BTRC: variants seen among roughly 807,000 people sequenced by gnomAD.
BTRC encodes the protein F-box/WD repeat-containing protein 1A.
BTRC carries 42 observed loss-of-function variants against 85.5 expected under a neutral mutation model. That is an observed-to-expected ratio of 0.49 (90% CI 0.38 to 0.64). BTRC has a LOEUF of 0.64. Among genes scored for constraint, BTRC ranks in the 30% least tolerant of loss-of-function variants. The pLI, the probability that BTRC is intolerant of heterozygous loss-of-function variation, is 0.00. For missense variants in BTRC, 594 were observed against 743.5 expected, an observed-to-expected ratio of 0.80 and a Z score of 2.34; for synonymous variants, 255 against 263.3, an observed-to-expected ratio of 0.97 and a Z score of 0.30.
chr10:101,461,957 A>C, intron 2 of BTRC, 24 bp from the exon 3 acceptor site: 3 of 1,564,612 alleles, frequency 1.9e-6, no homozygotes, highest in Non-Finnish European at 2.6e-6. Flanking sequence ...TGAGAACTGA[A>C]TTAAAGCTTA....
At chr10:101,377,236 C>T (rs532316950) in intron 1 of BTRC, among the ~76,000 whole-genome samples, 1 of 152,254 alleles carries the variant, frequency 6.6e-6, no homozygotes, top group Admixed American at 6.5e-5. Context: ...ATCAGGAGTT[C>T]ACGTCTTACT....
chr10:101,518,208 G>A (rs1053861059), intron 4 of BTRC, among the ~76,000 whole-genome samples: 39 of 152,116 alleles, frequency 2.6e-4, no homozygotes, highest in African/African-American at 8.7e-4. Flanking sequence ...CACCGCGCCC[G>A]GCCGAAGTAG....
intron 1 of BTRC, among the ~76,000 whole-genome samples, chr10:101,359,383 A>G (rs533116693): frequency 6.6e-6 from 1 of 152,012 alleles, no homozygotes; most frequent in African/African-American, 2.4e-5. Flanking sequence ...GTACTCTTAT[A>G]GGTGTTGGGG....
intron 1 of BTRC, among the ~76,000 whole-genome samples, chr10:101,411,915 C>T (rs1435947089): frequency 6.6e-6 from 1 of 152,082 alleles, no homozygotes; most frequent in Non-Finnish European, 1.5e-5. Flanking sequence ...ACTTGATGCT[C>T]TTGTGGCTGA....
At chr10:101,464,448 G>A (rs1315017514) in intron 3 of BTRC, among the ~76,000 whole-genome samples, 2 of 152,032 alleles carry the variant, frequency 1.3e-5, no homozygotes, top group Admixed American at 6.5e-5. Flanking sequence ...TGCAATATTC[G>A]AAAGAGATTT....
chr10:101,499,784 G>A (rs1481435428), intron 4 of BTRC, among the ~76,000 whole-genome samples: 1 of 150,742 alleles, frequency 6.6e-6, no homozygotes, highest in African/African-American at 2.5e-5. Context: ...GAAAGATGAG[G>A]TTACAAATTC....
intron 1 of BTRC, among the ~76,000 whole-genome samples, chr10:101,401,907 A>T (rs113821473): frequency 1.3e-5 from 2 of 152,112 alleles, no homozygotes; most frequent in African/African-American, 4.8e-5. Flanking sequence ...CAAAAAAAGA[A>T]GGAAAAAAGA....
rs567074570 is a variant in BTRC at position 101,373,493 on chromosome 10, G to A, written c.48+19265G>A. Among the ~76,000 whole-genome samples the A allele has an allele frequency of 8.5e-5, 13 of 152,302 alleles. No homozygotes were observed. The South Asian group carries it at 2.3e-3, about 27-fold the overall frequency. On this transcript the variant is annotated intron_variant, in intron 1 of 14. Coordinates refer to ENST00000370187, the MANE Select transcript of BTRC (RefSeq NM_033637.4). ...GTAAAATATAGCTGGCATCAGTCAT[G>A]TTAAGGGCAATTAGAGGGTTATCAA...
chr10:101,429,815 G>A (rs1179344223), intron 1 of BTRC, among the ~76,000 whole-genome samples: 6 of 150,068 alleles, frequency 4.0e-5, no homozygotes, highest in African/African-American at 1.5e-4. Flanking sequence ...AAACTGTGCA[G>A]AGTTTGTTGC....
intron 1 of BTRC, among the ~76,000 whole-genome samples, chr10:101,421,626 C>T (rs1251516745): frequency 9.7e-6 from 1 of 102,612 alleles, no homozygotes; most frequent in Non-Finnish European, 1.9e-5. Context: ...CTCCCCCCTC[C>T]CCCCACCCCA....
intron 14 of BTRC, 124 bp downstream of exon 14, chr10:101,551,015 GCAGACAATGTGAGA>G: frequency 1.1e-6 from 1 of 887,196 alleles, no homozygotes. Context: ...AGCCGAGGAA[GCAGACAATGTGAGA>G]CAGGGCTGAA....
intron 3 of BTRC, among the ~76,000 whole-genome samples, chr10:101,463,557 A>G (rs561671623): frequency 1.2e-4 from 19 of 152,326 alleles, no homozygotes; most frequent in African/African-American, 4.6e-4. Flanking sequence ...ACTTGGATTT[A>G]TAGCATTGTT....
intron 2 of BTRC, chr10:101,453,375 T>C (rs1407786071): frequency 2.0e-5 from 3 of 152,214 alleles, no homozygotes; most frequent in African/African-American, 7.2e-5. Flanking sequence ...GATAGAATTA[T>C]CCCAGTTACA....
chr10:101,502,246 T>A (rs1363913011), intron 4 of BTRC, among the ~76,000 whole-genome samples: 1 of 152,192 alleles, frequency 6.6e-6, no homozygotes, highest in African/African-American at 2.4e-5. Context: ...AGCTCTTTGG[T>A]AGAAATTGTT....
chr10:101,390,871 T>C (rs866244284), intron 1 of BTRC, among the ~76,000 whole-genome samples: 4 of 152,162 alleles, frequency 2.6e-5, no homozygotes, highest in Non-Finnish European at 5.9e-5. Flanking sequence ...CCAAACACTT[T>C]AAGGAGGTGC....
intron 1 of BTRC, among the ~76,000 whole-genome samples, chr10:101,425,528 G>A (rs1431602667): frequency 2.0e-5 from 3 of 151,896 alleles, no homozygotes; most frequent in Admixed American, 2.0e-4. Context: ...TTTTGAGACT[G>A]CATGTAAGGA....
At chr10:101,426,418 A>G (rs1413219608) in intron 1 of BTRC, among the ~76,000 whole-genome samples, 1 of 152,188 alleles carries the variant, frequency 6.6e-6, no homozygotes, top group Non-Finnish European at 1.5e-5. Context: ...TGGTGTTTGC[A>G]AATTAATGCT....
At chr10:101,461,136 A>G (rs919272971) in intron 2 of BTRC, among the ~76,000 whole-genome samples, 2 of 152,162 alleles carry the variant, frequency 1.3e-5, no homozygotes. Flanking sequence ...TCCTGACCTC[A>G]GATGATCTGC....
intron 4 of BTRC, among the ~76,000 whole-genome samples, chr10:101,518,266 A>C (rs2062052322): frequency 6.6e-6 from 1 of 152,092 alleles, no homozygotes; most frequent in African/African-American, 2.4e-5. Flanking sequence ...GTTTTAAAGG[A>C]CCACATAGCA....
Sources: allele counts gnomAD v4.1 joint callset (sites outside exome capture counted in the v4.1 genomes callset), GRCh38; gene constraint gnomAD v4.1.1; transcripts MANE v1.5; gene names NCBI Gene and HGNC (gene_info 2026-07-23, HGNC 2026-07-21).